INSL6: variants seen among roughly 807,000 people sequenced by gnomAD.
The protein encoded by INSL6 is insulin-like peptide INSL6.
Under a neutral mutation model 9.4 loss-of-function variants are expected in INSL6, and 16 were observed. The observed-to-expected ratio is 1.70, with a 90% CI of 1.15 to 2.59. The LOEUF (loss-of-function observed/expected upper bound fraction) is 2.59. Among genes scored for constraint, INSL6 ranks in the 30% most tolerant of loss-of-function variants. INSL6 has a pLI of 0.00. For synonymous variants in INSL6, 154 were observed against 96.9 expected, an observed-to-expected ratio of 1.59 and a Z score of -3.46; for missense variants, 391 against 257.3, an observed-to-expected ratio of 1.52 and a Z score of -3.56.
At chr9:5,176,487 G>A (rs1418416184) in intron 1 of INSL6, among the ~76,000 whole-genome samples, 4 of 151,974 alleles carry the variant, frequency 2.6e-5, no homozygotes, top group Admixed American at 6.6e-5. Flanking sequence ...TGCTTAGTAG[G>A]TACCCAATGA....
the INSL6 span, among the ~76,000 whole-genome samples, chr9:5,000,352 A>G: frequency 6.6e-6 from 1 of 152,192 alleles, no homozygotes; most frequent in South Asian, 2.1e-4. Flanking sequence ...TCCAATTTCG[A>G]ATGTGTAAGG....
chr9:5,164,995 G>A (rs1187463274), intron 1 of INSL6, among the ~76,000 whole-genome samples: 1 of 152,162 alleles, frequency 6.6e-6, no homozygotes, highest in Non-Finnish European at 1.5e-5. Flanking sequence ...ATCACTTGAG[G>A]TCAGGAGTTC....
chr9:5,023,810 A>G, the INSL6 span, among the ~76,000 whole-genome samples: 1 of 152,130 alleles, frequency 6.6e-6, no homozygotes, highest in Non-Finnish European at 1.5e-5. Context: ...TATCTTGACT[A>G]TATTGTAAAG....
chr9:5,165,422 A>C (rs188204249), intron 1 of INSL6, among the ~76,000 whole-genome samples: 91 of 152,162 alleles, frequency 6.0e-4, no homozygotes, highest in Non-Finnish European at 1.1e-3. Context: ...CAATTTTCCC[A>C]CATCCCCATC....
chr9:5,051,065 T>C, the INSL6 span, among the ~76,000 whole-genome samples: 1 of 152,200 alleles, frequency 6.6e-6, no homozygotes, highest in Non-Finnish European at 1.5e-5. Context: ...TAATGAGCAT[T>C]TCCTTTGAAC....
chr9:5,089,562 A>T, the INSL6 span: 2 of 351,682 alleles, frequency 5.7e-6, no homozygotes. Flanking sequence ...AAAAAAAAAA[A>T]AAAGACAGTC....
the INSL6 span, among the ~76,000 whole-genome samples, chr9:5,115,297 A>T: frequency 6.6e-6 from 1 of 152,190 alleles, no homozygotes; most frequent in African/African-American, 2.4e-5. Context: ...GTGGCCAACA[A>T]ACATATGAAA....
chr9:5,086,148 G>C, the INSL6 span: 1 of 363,378 alleles, frequency 2.8e-6, no homozygotes. Context: ...GCCCCGCAAG[G>C]CTCGGGGAGC....
At chr9:5,155,210 C>G (rs1230689932) in intron 2 of INSL6, among the ~76,000 whole-genome samples, 1 of 151,308 alleles carries the variant, frequency 6.6e-6, no homozygotes, top group Non-Finnish European at 1.5e-5. Context: ...TCATTCTCAG[C>G]AAAGTATCCC....
the INSL6 span, chr9:5,099,966 T>G: frequency 6.6e-6 from 1 of 152,210 alleles, no homozygotes; most frequent in Non-Finnish European, 1.5e-5. Context: ...CTATGCCACT[T>G]ATCCCTATAC....
At chr9:5,080,453 T>C in the INSL6 span, 1 of 1,539,822 alleles carries the variant, frequency 6.5e-7, no homozygotes, top group Non-Finnish European at 8.8e-7. Context: ...GATTTGTATT[T>C]TTTAGCCCAT....
chr9:5,135,827 A>G (rs1824378358), intron 2 of INSL6, among the ~76,000 whole-genome samples: 2 of 152,138 alleles, frequency 1.3e-5, no homozygotes, highest in Non-Finnish European at 2.9e-5. Context: ...AAATCAATGA[A>G]TCCAGGAGCT....
chr9:5,021,909 A>T, the INSL6 span: 1 of 1,025,562 alleles, frequency 9.8e-7, no homozygotes, highest in Non-Finnish European at 1.5e-6. Flanking sequence ...CTAGGATTAC[A>T]GGTGTGAGAC....
In INSL6 at chr9:5,164,260, T is replaced by A. The variant is rs147189972; in HGVS notation, c.295A>T (p.Thr99Ser). ...ARGRGTNPVSTSWEEAVNSWE... is the reference protein window; with the variant it reads ...ARGRGTNPVSSSWEEAVNSWE... ...CTGTTTACTGCTTCTTCCCAAGAAGTAGACACTGTTGAGAGAGAAGAAAAT... is the reference window on the plus strand; with the variant it reads ...CTGTTTACTGCTTCTTCCCAAGAAGAAGACACTGTTGAGAGAGAAGAAAAT... The change falls in exon 2 of 2, where the codon ACT (threonine) becomes TCT (serine). Residue 99 changes from threonine to serine, a missense_variant. Coordinates refer to ENST00000381641, the MANE Select transcript of INSL6 (RefSeq NM_007179.3). The A allele has an allele frequency of 6.3e-7, 1 of 1,591,252 alleles. No individual in the cohort carries two copies. The highest frequency in any genetic ancestry group is 1.7e-5 in the Admixed American group (1 of 58,724).
At chr9:5,082,931 G>A in the INSL6 span, among the ~76,000 whole-genome samples, 1 of 152,176 alleles carries the variant, frequency 6.6e-6, no homozygotes, top group Non-Finnish European at 1.5e-5. Context: ...AGATCAAAAT[G>A]GAATTTCTTA....
At chr9:5,114,535 A>G in the INSL6 span, 15 of 471,094 alleles carry the variant, frequency 3.2e-5, no homozygotes, top group Admixed American at 3.6e-4. Flanking sequence ...CCGAGGAACC[A>G]GGACAAGCGC....
chr9:5,023,347 T>C, the INSL6 span, among the ~76,000 whole-genome samples: 1 of 152,202 alleles, frequency 6.6e-6, no homozygotes, highest in African/African-American at 2.4e-5. Flanking sequence ...ACATTCTTTT[T>C]TACGATGCCA....
chr9:5,090,881 T>C, the INSL6 span: 2 of 1,606,962 alleles, frequency 1.2e-6, no homozygotes, highest in Non-Finnish European at 1.7e-6. Context: ...TACTATAAAG[T>C]AAAAGAACCT....
intron 2 of INSL6, among the ~76,000 whole-genome samples, chr9:5,136,263 C>T (rs1190241110): frequency 6.6e-6 from 1 of 152,168 alleles, no homozygotes; most frequent in East Asian, 1.9e-4. Flanking sequence ...CTCCCTAACT[C>T]ATTTTATGAG....
Sources: gnomAD v4.1 joint callset for allele counts (sites outside exome capture counted in the v4.1 genomes callset) on GRCh38, gnomAD v4.1.1 for gene constraint, MANE v1.5 for transcripts, NCBI Gene and HGNC (gene_info 2026-07-23, HGNC 2026-07-21) for gene names.